Variants in PALLD observed in about 807,000 individuals in gnomAD.
The protein encoded by PALLD is palladin.
In PALLD, 61 loss-of-function variants were observed where a neutral mutation model predicts 123.5. That is an observed-to-expected ratio of 0.49 (90% CI 0.40 to 0.61). PALLD has a LOEUF of 0.61. PALLD is among the 20% of genes least tolerant of loss of function. The pLI is 0.00. For missense variants in PALLD, 1,273 were observed against 1,377.0 expected (o/e 0.92, Z 1.20); for synonymous variants, 465 against 496.4 (o/e 0.94, Z 0.84).
At chr4:168,772,478 C>T (rs1229477129) in intron 10 of PALLD, among the ~76,000 whole-genome samples, 1 of 152,190 alleles carries the variant, frequency 6.6e-6, no homozygotes, top group Non-Finnish European at 1.5e-5. Flanking sequence ...AGTGATGATG[C>T]CCAAAACTTA....
chr4:168,924,801 TAGTAATCTCTACAG>T (rs1762261832), intron 19 of PALLD, 130 bp from the exon 20 acceptor site: 1 of 780,240 alleles, frequency 1.3e-6, no homozygotes, highest in African/African-American at 1.7e-5. Flanking sequence ...TTAATGGAGC[TAGTAATCTCTACAG>T]AATAAGTATG....
intron 10 of PALLD, among the ~76,000 whole-genome samples, chr4:168,854,444 G>A (rs1748277382): frequency 6.6e-6 from 1 of 152,200 alleles, no homozygotes; most frequent in Non-Finnish European, 1.5e-5. Context: ...ATGTTTCCCA[G>A]ATGTTCTCTG....
intron 10 of PALLD, among the ~76,000 whole-genome samples, chr4:168,803,859 G>A (rs781307933): frequency 3.9e-5 from 6 of 152,154 alleles, no homozygotes; most frequent in Non-Finnish European, 5.9e-5. Flanking sequence ...AACGGTGTAT[G>A]AAGTGTGTTG....
intron 10 of PALLD, among the ~76,000 whole-genome samples, chr4:168,763,276 A>G (rs1403514546): frequency 2.6e-5 from 4 of 152,202 alleles, no homozygotes; most frequent in Non-Finnish European, 4.4e-5. Flanking sequence ...GTGTCTTTCT[A>G]TGAAATTTAG....
intron 2 of PALLD, among the ~76,000 whole-genome samples, chr4:168,657,802 A>T (rs964164477): frequency 3.3e-5 from 5 of 152,172 alleles, no homozygotes; most frequent in Admixed American, 1.3e-4. Flanking sequence ...AGCCAAGTGG[A>T]AAGCCCATTT....
intron 17 of PALLD, among the ~76,000 whole-genome samples, chr4:168,916,332 A>G (rs1420829273): frequency 6.6e-6 from 1 of 152,092 alleles, no homozygotes; most frequent in Non-Finnish European, 1.5e-5. Context: ...GGACTGCTTG[A>G]GCCTAGGAGC....
chr4:168,788,422 C>T (rs1032575087), intron 10 of PALLD, among the ~76,000 whole-genome samples: 2 of 152,062 alleles, frequency 1.3e-5, no homozygotes, highest in Non-Finnish European at 2.9e-5. Flanking sequence ...CTGGAAAAGG[C>T]AAAACTATAG....
At chr4:168,829,234 G>A (rs1370174710) in intron 10 of PALLD, 3 of 152,212 alleles carry the variant, frequency 2.0e-5, no homozygotes, top group Non-Finnish European at 4.4e-5. Flanking sequence ...ACTGAAAAGT[G>A]AAAACTGGTC....
chr4:168,903,912 G>GA lies in PALLD; in HGVS notation c.2622+8dup. 6.2e-7 allele frequency: 1 copy of GA among 1,613,498 alleles called. No homozygotes were observed. The highest frequency in any genetic ancestry group is 8.5e-7 in the Non-Finnish European group (1 of 1,179,402). ...TTATGGCTGCAAACCCTCAGGTAAA[G>GA]AAGGGTATAGGTCTGGGCTCAGTTC... On this transcript the variant is annotated splice_region_variant and intron_variant, in intron 15 of 21. Transcript: ENST00000505667.
rs575517537 is a variant in PALLD, at chr4:168,928,181, TAC to T, written c.*2005_*2006del. 200 of 187,842 alleles carry T rather than the reference TAC, an allele frequency of 1.1e-3. 1 individual carries two copies. The highest frequency in any genetic ancestry group is 4.4e-3 in the African/African-American group (190 of 42,886). 11.6% of individuals were successfully genotyped at this position (187,842 alleles called of 1,614,324 possible). ...TGCTAATATGGAATTTAAGATACCA[TAC>T]ACAGTCTCTCATGGACCTATCTCTA... On this transcript the variant is annotated 3_prime_UTR_variant, in exon 22 of 22. Transcript: ENST00000505667.
intron 2 of PALLD, among the ~76,000 whole-genome samples, chr4:168,597,552 T>C (rs9997031): frequency 0.032 from 4,892 of 152,186 alleles, 271 homozygotes; most frequent in African/African-American, 0.11. Context: ...CCCTATATTT[T>C]TGATACATTC....
intron 10 of PALLD, among the ~76,000 whole-genome samples, chr4:168,833,350 T>G (rs1581689620): frequency 6.6e-6 from 1 of 151,852 alleles, no homozygotes; most frequent in Admixed American, 6.6e-5. Flanking sequence ...GCACACCGAG[T>G]CCCGTTACTG....
chr4:168,631,520 G>A, intron 2 of PALLD: 1 of 715,422 alleles, frequency 1.4e-6, no homozygotes, highest in Non-Finnish European at 1.7e-6. Flanking sequence ...CTGGAGTTTA[G>A]CAGCATTCCT....
intron 1 of PALLD, chr4:168,507,670 C>T (rs10517999): frequency 0.069 from 13,342 of 193,256 alleles, 586 homozygotes; most frequent in Non-Finnish European, 0.095. Context: ...GTCCCGGATC[C>T]AGACTGCAAT....
intron 2 of PALLD, among the ~76,000 whole-genome samples, chr4:168,606,826 C>T (rs1773230693): frequency 6.6e-6 from 1 of 152,150 alleles, no homozygotes; most frequent in African/African-American, 2.4e-5. Flanking sequence ...GGGGTGGGAA[C>T]ACCCATGAAT....
At chr4:168,849,420 C>T (rs554216322) in intron 10 of PALLD, among the ~76,000 whole-genome samples, 4 of 152,164 alleles carry the variant, frequency 2.6e-5, no homozygotes, top group South Asian at 4.2e-4. Context: ...ATGCTCTGGC[C>T]GACTTAGCTG....
At chr4:168,803,882 A>G (rs1453831117) in intron 10 of PALLD, among the ~76,000 whole-genome samples, 1 of 152,136 alleles carries the variant, frequency 6.6e-6, no homozygotes, top group Non-Finnish European at 1.5e-5. Context: ...AGCAGAAGCT[A>G]ATTTACACCC....
At chr4:168,923,800 G>T (rs2126558018) in intron 18 of PALLD, among the ~76,000 whole-genome samples, 1 of 152,270 alleles carries the variant, frequency 6.6e-6, no homozygotes, top group Middle Eastern at 3.4e-3. Context: ...CAAATATTCA[G>T]AATATTCATG....
intron 2 of PALLD, among the ~76,000 whole-genome samples, chr4:168,563,243 T>A (rs921638447): frequency 6.6e-6 from 1 of 152,180 alleles, no homozygotes; most frequent in African/African-American, 2.4e-5. Context: ...ATCTGACTAG[T>A]GATCTCAGAG....
Sources: allele counts gnomAD v4.1 joint callset (sites outside exome capture counted in the v4.1 genomes callset), GRCh38; gene constraint gnomAD v4.1.1; transcripts MANE v1.5; gene names NCBI Gene and HGNC (gene_info 2026-07-23, HGNC 2026-07-21).